The following ANKHD1 variants were observed in gnomAD, a reference collection of about 807,000 sequenced individuals.
ANKHD1 encodes the protein ankyrin repeat and KH domain containing 1.
A neutral mutation model predicts 230.5 loss-of-function variants in ANKHD1; 31 were observed. That is an observed-to-expected ratio of 0.13 (90% CI 0.10 to 0.18). The LOEUF is 0.18. Among genes scored for constraint, ANKHD1 ranks in the 10% least tolerant of loss-of-function variants. ANKHD1 has a pLI of 1.00. For synonymous variants in ANKHD1, 1,074 were observed against 1,117.6 expected (o/e 0.96, Z 0.78); for missense variants, 2,256 against 3,071.3 (o/e 0.73, Z 6.27).
chr5:140,452,841 A>C (rs563098498), intron 7 of ANKHD1, among the ~76,000 whole-genome samples: 1 of 152,364 alleles, frequency 6.6e-6, no homozygotes, highest in South Asian at 2.1e-4. Flanking sequence ...GCAGCTCCTC[A>C]CCAGCAACGG....
At chr5:140,532,005 G>A (rs1327378890) in intron 29 of ANKHD1, among the ~76,000 whole-genome samples, 1 of 152,038 alleles carries the variant, frequency 6.6e-6, no homozygotes, top group African/African-American at 2.4e-5. Flanking sequence ...TCAGAAGTTC[G>A]AGACCAGCCT....
At chr5:140,430,652 C>CT (rs34643827) in intron 1 of ANKHD1, among the ~76,000 whole-genome samples, 1,989 of 114,670 alleles carry the variant, frequency 0.017, 69 homozygotes, top group African/African-American at 0.053. Flanking sequence ...TGGTTTCCAT[C>CT]TTTTTTTTTT....
chr5:140,451,739 C>T (rs946973833), intron 7 of ANKHD1, among the ~76,000 whole-genome samples: 2 of 152,178 alleles, frequency 1.3e-5, no homozygotes, highest in African/African-American at 4.8e-5. Flanking sequence ...AACATCTGGG[C>T]TCAAGCTATC....
chr5:140,504,902 C>T lies in ANKHD1; in HGVS notation c.3086C>T (p.Thr1029Ile), dbSNP rs1581348755. The T allele has an allele frequency of 3.7e-6, 6 of 1,614,080 alleles. No individual in the cohort carries two copies. Among genetic ancestry groups the T allele is most frequent in the African/African-American group, 1.3e-5 (1 of 74,942 alleles). Reference protein sequence around the residue: ...ECLTPESCSQTTSNVASQSMP... With the variant: ...ECLTPESCSQITSNVASQSMP... ...CTTACACCTGAATCCTGTTCGCAGA[C>T]TACAAGCAATGTGGCTTCCCAATCG... Residue 1029 changes from threonine to isoleucine, a missense_variant, in exon 16 of 34, where the codon ACT (threonine) becomes ATT (isoleucine). By Grantham distance (89) the Thr-to-Ile change is moderately conservative. This residue lies in a region of ANKHD1 where 358 missense variants were observed against 397.7 expected (regional missense o/e 0.90). Transcript: ENST00000360839.
intron 1 of ANKHD1, among the ~76,000 whole-genome samples, chr5:140,412,244 A>G (rs910215142): frequency 1.3e-5 from 2 of 151,772 alleles, no homozygotes; most frequent in Non-Finnish European, 2.9e-5. Flanking sequence ...CACCATGTTG[A>G]CCACGCTGGT....
chr5:140,531,546 A>G (rs2058535055), intron 29 of ANKHD1, among the ~76,000 whole-genome samples: 1 of 151,966 alleles, frequency 6.6e-6, no homozygotes, highest in Non-Finnish European at 1.5e-5. Context: ...ATGCCACAGC[A>G]CTCCAAGCCT....
In ANKHD1 at chr5:140,529,349, C is replaced by T. The variant is rs1329051479; in HGVS notation, c.6403C>T (p.His2135Tyr). Residue 2135 changes from histidine (H) to tyrosine (Y), a missense_variant, in exon 29 of 34, where the codon CAT becomes TAT. This residue lies in a region of ANKHD1 where 778 missense variants were observed against 966.5 expected (regional missense o/e 0.80). Transcript: ENST00000360839. ...QLAVPAPRVS[H>Y]RMQPRGSFYS... The stretch of plus-strand genomic sequence containing the variant: ...AGCTGTACCAGCACCTCGAGTTTCT[C>T]ATCGAATGCAGCCCAGAGGTTCTTT... The T allele has an allele frequency of 6.2e-7, 1 of 1,614,088 alleles. No homozygotes were observed. Among genetic ancestry groups the T allele is most frequent in the Non-Finnish European group, 8.5e-7 (1 of 1,180,036 alleles).
chr5:140,439,162 G>A (rs1269534414), intron 3 of ANKHD1, among the ~76,000 whole-genome samples: 1 of 151,986 alleles, frequency 6.6e-6, no homozygotes, highest in East Asian at 1.9e-4. Context: ...CGGTGGTCTA[G>A]TTAGTCATTC....
chr5:140,538,653 T>C (rs1372498741), intron 32 of ANKHD1, among the ~76,000 whole-genome samples: 1 of 152,246 alleles, frequency 6.6e-6, no homozygotes, highest in East Asian at 1.9e-4. Context: ...ATGGGAAAGT[T>C]GAGGTTATTT....
chr5:140,480,481 A>T (rs1751225274), intron 10 of ANKHD1, among the ~76,000 whole-genome samples: 1 of 152,024 alleles, frequency 6.6e-6, no homozygotes. Flanking sequence ...GACTCACGGG[A>T]CCTAATTATG....
In ANKHD1 at chr5:140,529,091, A is replaced by G; in HGVS notation, c.6145A>G (p.Asn2049Asp). 2 of 1,614,092 alleles carry G rather than the reference A, an allele frequency of 1.2e-6. No homozygotes were observed. The highest frequency in any genetic ancestry group is 1.3e-5 in the African/African-American group (1 of 75,050). Residue 2049 changes from asparagine to aspartate, a missense_variant, in exon 29 of 34, where the codon AAC becomes GAC. This residue lies in a region of ANKHD1 where 778 missense variants were observed against 966.5 expected (regional missense o/e 0.80). Coordinates refer to ENST00000360839, the MANE Select transcript of ANKHD1 (RefSeq NM_017747.3). ...CCTATGTACCCCATCTTCAACTGCAAACAGTTGCAGTAGCTCTGCCAGCAA... is the reference window on the plus strand; with the variant it reads ...CCTATGTACCCCATCTTCAACTGCAGACAGTTGCAGTAGCTCTGCCAGCAA... The part of the protein sequence containing the change: ...ANLCTPSSTA[N>D]SCSSSASNTP...
intron 1 of ANKHD1, among the ~76,000 whole-genome samples, chr5:140,413,543 TTCTC>T (rs1452367405): frequency 6.6e-6 from 1 of 152,194 alleles, no homozygotes; most frequent in African/African-American, 2.4e-5. Flanking sequence ...ATTCTACGTT[TTCTC>T]TCTATGAATT....
At chr5:140,538,870 T>C (rs372670302) in intron 32 of ANKHD1, 49 bp from the exon 33 acceptor site, 3 of 1,400,418 alleles carry the variant, frequency 2.1e-6, no homozygotes, top group African/African-American at 1.5e-5. Context: ...ATAGTAATTT[T>C]ATAATTTATA....
At chr5:140,491,139 C>CACACAT (rs1460352213) in intron 14 of ANKHD1, among the ~76,000 whole-genome samples, 2,299 of 55,872 alleles carry the variant, frequency 0.041, 150 homozygotes, top group Middle Eastern at 0.056. Flanking sequence ...TATATATACA[C>CACACAT]ATATATATAT....
chr5:140,413,926 G>A (rs1305415302), intron 1 of ANKHD1, among the ~76,000 whole-genome samples: 1 of 152,138 alleles, frequency 6.6e-6, no homozygotes, highest in African/African-American at 2.4e-5. Context: ...GACTACAGGA[G>A]TGTGCCACCA....
chr5:140,424,223 G>T (rs576594978), intron 1 of ANKHD1, among the ~76,000 whole-genome samples: 4,997 of 146,804 alleles, frequency 0.034, 107 homozygotes, highest in African/African-American at 0.073. Flanking sequence ...TATATATAGA[G>T]AGAGAGAGAG....
At position 140,503,261 on chromosome 5, in the gene ANKHD1, A is replaced by G. The variant is rs1305660989; in HGVS notation, c.3005-1560A>G. ...ATTTTTTTGTATATTATTACTGATTATATGTTTTTTTCTGAGTTTTTCCTT... is the reference window on the plus strand; with the variant it reads ...ATTTTTTTGTATATTATTACTGATTGTATGTTTTTTTCTGAGTTTTTCCTT... On this transcript the variant is annotated intron_variant, in intron 15 of 33. Transcript: ENST00000360839. Among the ~76,000 whole-genome samples, 7 of 152,080 alleles carry G rather than the reference A, an allele frequency of 4.6e-5. No homozygotes were observed. In the East Asian group the frequency reaches 1.4e-3, roughly 29 times the overall value.
At chr5:140,484,394 G>C (rs997358873) in intron 11 of ANKHD1, among the ~76,000 whole-genome samples, 3 of 152,086 alleles carry the variant, frequency 2.0e-5, no homozygotes, top group Admixed American at 1.3e-4. Context: ...ACATTTTTCA[G>C]GTCATGTTAT....
intron 25 of ANKHD1, among the ~76,000 whole-genome samples, chr5:140,525,127 T>G (rs1388403655): frequency 2.7e-5 from 4 of 150,032 alleles, no homozygotes; most frequent in East Asian, 2.0e-4. Flanking sequence ...AAAAAAAAAA[T>G]AAAAAGAAAA....
Sources: allele counts gnomAD v4.1 joint callset (sites outside exome capture counted in the v4.1 genomes callset), GRCh38; gene constraint gnomAD v4.1.1; regional missense constraint gnomAD v4.1.1; transcripts MANE v1.5; gene names NCBI Gene and HGNC (gene_info 2026-07-23, HGNC 2026-07-21).